Variants in NELFB observed in about 807,000 individuals in gnomAD.
The protein encoded by NELFB is negative elongation factor complex member B, also known as negative elongation factor B.
NELFB carries 34 observed loss-of-function variants against 60.2 expected under a neutral mutation model. The ratio of observed to expected loss-of-function variants is 0.56; its 90% CI spans 0.43 to 0.75. The LOEUF is 0.75. Ranked by LOEUF, NELFB falls within the 30% of genes least tolerant of loss-of-function variation. The probability of loss-of-function intolerance (pLI) is 0.00; values close to 1 mark genes in which losing one functional copy is unlikely to be tolerated. For synonymous variants in NELFB, 459 were observed against 382.1 expected (o/e 1.20, Z -2.35); for missense variants, 770 against 831.6 (o/e 0.93, Z 0.91).
At chr9:137,260,405 A>ATTTAT (rs143001814) in intron 4 of NELFB, among the ~76,000 whole-genome samples, 96,463 of 141,600 alleles carry the variant, frequency 0.68, 33,419 homozygotes, top group Admixed American at 0.77. Context: ...AATTTTTTTT[A>ATTTAT]TTTATTTTAT....
In NELFB at chr9:137,263,030, G is replaced by A. The variant is rs117427616; in HGVS notation, c.742-7G>A. On this transcript the variant is annotated splice_polypyrimidine_tract_variant and splice_region_variant and intron_variant, in intron 4 of 12. Transcript: ENST00000343053. Reference sequence around the variant, plus strand: ...GTCTGGGGGCCTGACAGTGCCTCTTGCTGCAGGTGGTGCAGCGGCTGACGC... The same window carrying A: ...GTCTGGGGGCCTGACAGTGCCTCTTACTGCAGGTGGTGCAGCGGCTGACGC... The A allele has an allele frequency of 2.2e-3, 3,574 of 1,609,052 alleles. 60 individuals are homozygous for A. In the East Asian group the frequency reaches 0.035, roughly 16 times the overall value.
chr9:137,259,604 C>A (rs1263662894), intron 4 of NELFB, among the ~76,000 whole-genome samples: 1 of 151,988 alleles, frequency 6.6e-6, no homozygotes, highest in Non-Finnish European at 1.5e-5. Context: ...GGAAATCAGT[C>A]GGCTTGGTCG....
chr9:137,267,646 A>G (rs1353029254), intron 10 of NELFB, among the ~76,000 whole-genome samples: 1 of 151,580 alleles, frequency 6.6e-6, no homozygotes, highest in Non-Finnish European at 1.5e-5. Flanking sequence ...GGCGCGTGCC[A>G]CCGTGCCAGG....
rs1421966208 is a variant in NELFB at position 137,266,438 on chromosome 9, C to T, written c.1239+12C>T. 11 of 1,609,650 alleles carry T rather than the reference C, an allele frequency of 6.8e-6. No homozygotes were observed. Among genetic ancestry groups the T allele is most frequent in the African/African-American group, 2.7e-5 (2 of 74,974 alleles). Reference sequence around the variant, plus strand: ...AGGAGCCCAAGATGGTAACGAGCCTCCTGTGGGGGCTGCCAGTTTCCTACG... The same window carrying T: ...AGGAGCCCAAGATGGTAACGAGCCTTCTGTGGGGGCTGCCAGTTTCCTACG... On this transcript the variant is annotated intron_variant, in intron 8 of 12. Transcript: ENST00000343053.
rs1830600381 is a variant in NELFB, at chr9:137,272,837, T to C, written c.1796T>C (p.Leu599Pro). ...CAGCTCGGCGAGAAGCTGGAACAGC[T>C]GGATCACCGGAAGCCCAGCCCGGCA... The change falls in exon 13 of 13, where the codon CTG (leucine) becomes CCG (proline). Residue 599 changes from leucine (L) to proline (P), a missense_variant. Transcript: ENST00000343053. 1.9e-6 allele frequency: 3 copies of C among 1,549,992 alleles called. No homozygotes were observed. Among genetic ancestry groups the C allele is most frequent in the African/African-American group, 1.4e-5 (1 of 73,170 alleles).
At chr9:137,266,516 G>T (rs1489098773) in intron 8 of NELFB, 90 bp downstream of exon 8, 8 of 1,117,262 alleles carry the variant, frequency 7.2e-6, no homozygotes, top group Non-Finnish European at 1.0e-5. Context: ...CAAGGTGATT[G>T]TGGAGGCCCC....
At chr9:137,258,338 G>A (rs1245177449) in intron 4 of NELFB, among the ~76,000 whole-genome samples, 1 of 151,342 alleles carries the variant, frequency 6.6e-6, no homozygotes, top group Non-Finnish European at 1.5e-5. Context: ...TGCCCAGGCT[G>A]GTCTCGAACT....
At chr9:137,257,267 T>C (rs985086941) in intron 4 of NELFB, among the ~76,000 whole-genome samples, 4 of 152,268 alleles carry the variant, frequency 2.6e-5, no homozygotes, top group African/African-American at 4.8e-5. Context: ...TAAAGTGATA[T>C]ATGGACAACA....
intron 4 of NELFB, among the ~76,000 whole-genome samples, chr9:137,258,288 T>G (rs1275816249): frequency 6.6e-6 from 1 of 151,398 alleles, no homozygotes; most frequent in Non-Finnish European, 1.5e-5. Flanking sequence ...CATGCCTGGC[T>G]AATTTGTATA....
At chr9:137,270,304 C>T (rs1029677630) in intron 10 of NELFB, among the ~76,000 whole-genome samples, 1 of 134,960 alleles carries the variant, frequency 7.4e-6, no homozygotes. Flanking sequence ...AAAAAAAGGG[C>T]GGGGAGCCGG....
chr9:137,256,803 G>A (rs761823243), intron 3 of NELFB, 21 bp from the exon 4 acceptor site: 2 of 1,611,036 alleles, frequency 1.2e-6, no homozygotes, highest in East Asian at 2.2e-5. Flanking sequence ...CCACTCACAG[G>A]CAGCCTGTGG....
Position 137,269,668 on chromosome 9 carries a change from C to T in NELFB, c.1489+2322C>T, listed in dbSNP as rs1413159570. ...GCTGTGCAGGTGTCTAGCTCAGGGGCATGAGGCCATGGCCCAGCCCAGTGT... is the reference window on the plus strand; with the variant it reads ...GCTGTGCAGGTGTCTAGCTCAGGGGTATGAGGCCATGGCCCAGCCCAGTGT... On this transcript the variant is annotated intron_variant, in intron 10 of 12. Coordinates refer to ENST00000343053, the MANE Select transcript of NELFB (RefSeq NM_015456.5). This position sits in a 1 kb window ranked among gnomAD's most constrained non-coding sequence, Gnocchi z 5.3. 6.6e-6 allele frequency among the ~76,000 whole-genome samples: 1 copy of T among 152,274 alleles called. No homozygotes were observed. The highest frequency in any genetic ancestry group is 1.5e-5 in the Non-Finnish European group (1 of 68,050).
Position 137,267,103 on chromosome 9 carries a change from CATGGTGCAGGGGTGGCCGTGGCGCAGGG to C in NELFB, c.1382+22_1382+49del. On this transcript the variant is annotated intron_variant, in intron 9 of 12. Coordinates refer to ENST00000343053, the MANE Select transcript of NELFB (RefSeq NM_015456.5). ...CTTCACTAAGTACGGGCTGTAGGGC[CATGGTGCAGGGGTGGCCGTGGCGCAGGG>C]ATGGCACTGTTGCCCAGGGGGCTGC... 6.2e-7 allele frequency: 1 copy of C among 1,613,814 alleles called. No homozygotes were observed. The highest frequency in any genetic ancestry group is 1.1e-5 in the South Asian group (1 of 91,074).
intron 3 of NELFB, 104 bp downstream of exon 3, chr9:137,256,532 G>T: frequency 9.8e-7 from 1 of 1,021,904 alleles, no homozygotes; most frequent in Non-Finnish European, 1.5e-6. Context: ...AGCTTCCTGT[G>T]CTGCCTGCCC....
At chr9:137,257,112 C>T (rs1432367054) in intron 4 of NELFB, 58 bp downstream of exon 4, 3 of 1,428,974 alleles carry the variant, frequency 2.1e-6, no homozygotes, top group Admixed American at 3.5e-5. Context: ...ACGGCTAGCG[C>T]CTTCAGCTGC....
intron 4 of NELFB, 133 bp from the exon 5 acceptor site, chr9:137,262,904 A>C: frequency 1.2e-6 from 1 of 831,432 alleles, no homozygotes; most frequent in South Asian, 1.7e-5. Flanking sequence ...TAATGAGAGG[A>C]GGGAATGTTT....
intron 6 of NELFB, 75 bp downstream of exon 6, chr9:137,264,432 C>A: frequency 9.1e-7 from 1 of 1,100,010 alleles, no homozygotes. Context: ...TGTGTTTTGC[C>A]GTGGGTAGCA....
At chr9:137,272,688 T>A in intron 12 of NELFB, 73 bp downstream of exon 12, 2 of 1,528,486 alleles carry the variant, frequency 1.3e-6, no homozygotes, top group Non-Finnish European at 1.8e-6. Context: ...CAAGCTGCCC[T>A]TGTGGTGCTT....
At chr9:137,264,750 C>T (rs772224320) in intron 6 of NELFB, among the ~76,000 whole-genome samples, 2 of 152,130 alleles carry the variant, frequency 1.3e-5, no homozygotes, top group Admixed American at 6.5e-5. Flanking sequence ...TACAGGCATG[C>T]GCCACCGTGC....
Sources: gnomAD v4.1 joint callset for allele counts (sites outside exome capture counted in the v4.1 genomes callset) on GRCh38, gnomAD v4.1.1 for gene constraint, Gnocchi (gnomAD v3.1) non-coding constraint, MANE v1.5 for transcripts, NCBI Gene and HGNC (gene_info 2026-07-23, HGNC 2026-07-21) for gene names.